The following BZW1 variants were observed in gnomAD, a reference collection of about 807,000 sequenced individuals.
The protein encoded by BZW1 is eIF5-mimic protein 2.
Under a neutral mutation model 54.1 loss-of-function variants are expected in BZW1, and 3 were observed. The observed-to-expected ratio is 0.06, with a 90% CI of 0.03 to 0.14. The LOEUF is 0.14. BZW1 is among the 10% of genes least tolerant of loss of function. The pLI, the probability that BZW1 is intolerant of heterozygous loss-of-function variation, is 1.00. For synonymous variants in BZW1, 152 were observed against 162.7 expected (o/e 0.93, Z 0.50); for missense variants, 206 against 491.7 (o/e 0.42, Z 5.50).
At chr2:200,819,863 T>C in intron 9 of BZW1, 119 bp from the exon 10 acceptor site, 1 of 952,640 alleles carries the variant, frequency 1.0e-6, no homozygotes, top group South Asian at 3.6e-5. Flanking sequence ...GTAAATAAGT[T>C]ATAGTTTGCA....
At chr2:200,818,715 C>G (rs1378660358) in intron 8 of BZW1, 40 bp from the exon 9 acceptor site, 2 of 1,562,184 alleles carry the variant, frequency 1.3e-6, no homozygotes, top group East Asian at 2.3e-5. Flanking sequence ...TGTACATAAT[C>G]AAAACTGACT....
At chr2:200,821,357 C>T (rs375630241) in intron 11 of BZW1, 52 bp downstream of exon 11, 1 of 1,599,064 alleles carries the variant, frequency 6.3e-7, no homozygotes, top group Non-Finnish European at 8.5e-7. Flanking sequence ...TTTAATGTGG[C>T]CATAATATAT....
At chr2:200,813,458 G>GAGC (rs2038164476) in intron 2 of BZW1, 177 bp downstream of exon 2, 2 of 559,384 alleles carry the variant, frequency 3.6e-6, no homozygotes, top group Middle Eastern at 4.8e-4. Flanking sequence ...CTGCTTTACT[G>GAGC]CTCAAGCCTT....
chr2:200,814,363 C>A (rs1257074890), intron 2 of BZW1, among the ~76,000 whole-genome samples: 1 of 152,152 alleles, frequency 6.6e-6, no homozygotes, highest in African/African-American at 2.4e-5. Flanking sequence ...TACAACACTC[C>A]CTGTCTGGGA....
chr2:200,815,336 C>G lies in BZW1; in HGVS notation c.65-5C>G. 1.3e-6 allele frequency: 2 copies of G among 1,589,286 alleles called. No homozygotes were observed. Among genetic ancestry groups the G allele is most frequent in the Non-Finnish European group, 1.7e-6 (2 of 1,166,436 alleles). Reference sequence around the variant, plus strand: ...CTAAATGTTTTGGGTCCCTTGTCCCCCCAGATGAAAAAGAGAGGTTTGACC... The same window carrying G: ...CTAAATGTTTTGGGTCCCTTGTCCCGCCAGATGAAAAAGAGAGGTTTGACC... On this transcript the variant is annotated splice_polypyrimidine_tract_variant and splice_region_variant and intron_variant, in intron 2 of 11. Transcript: ENST00000409600.
Position 200,824,571 on chromosome 2 carries a change from G to A in BZW1, c.*2393G>A, listed in dbSNP as rs770011225. The A allele has an allele frequency of 9.3e-5, 14 of 150,656 alleles. No homozygotes were observed. The highest frequency in any genetic ancestry group is 1.6e-4 in the Non-Finnish European group (11 of 67,784). 9.3% of individuals were successfully genotyped at this position (150,656 alleles called of 1,614,324 possible). ...AAATGCTACAGGATATTTTGAAATA[G>A]CATATTTTAGTTAGGGGAAATGCAT... On this transcript the variant is annotated 3_prime_UTR_variant, in exon 12 of 12. Coordinates refer to ENST00000409600, the MANE Select transcript of BZW1 (RefSeq NM_001207067.2).
At position 200,823,776 on chromosome 2, in the gene BZW1, T is replaced by G. The variant is rs905855737; in HGVS notation, c.*1598T>G. 1 of 152,450 alleles carries G rather than the reference T, an allele frequency of 6.6e-6. No homozygotes were observed. Among genetic ancestry groups the G allele is most frequent in the African/African-American group, 2.4e-5 (1 of 41,404 alleles). The allele number at this position is 152,450 out of a possible 1,614,324, so 9.4% of individuals were successfully genotyped here. Reference sequence around the variant, plus strand: ...TTTCTACGTAGTGATCTGCTTTTACTTTGTAATTTGTAGTTCTCAAAAGAC... The same window carrying G: ...TTTCTACGTAGTGATCTGCTTTTACGTTGTAATTTGTAGTTCTCAAAAGAC... On this transcript the variant is annotated 3_prime_UTR_variant, in exon 12 of 12. Coordinates refer to ENST00000409600, the MANE Select transcript of BZW1 (RefSeq NM_001207067.2).
chr2:200,819,956 A>G (rs2038447561), intron 9 of BZW1, 26 bp from the exon 10 acceptor site: 6 of 1,472,966 alleles, frequency 4.1e-6, no homozygotes, highest in African/African-American at 1.4e-5. Context: ...ATGAATGACT[A>G]AATCTTTTCT....
At chr2:200,822,097 CT>C (rs1390465039) in intron 11 of BZW1, 49 bp from the exon 12 acceptor site, 3 of 1,524,938 alleles carry the variant, frequency 2.0e-6, no homozygotes, top group Non-Finnish European at 1.8e-6. Flanking sequence ...TAAATGGGAA[CT>C]TTTGCCTTCT....
chr2:200,820,177 A>AAATTATCCAAATGAT (rs1390836383), intron 10 of BZW1, 57 bp downstream of exon 10: 1 of 1,365,970 alleles, frequency 7.3e-7, no homozygotes, highest in Non-Finnish European at 9.8e-7. Flanking sequence ...TATAAACACA[A>AAATTATCCAAATGAT]AATTATCCAA....
At position 200,823,318 on chromosome 2, in the gene BZW1, T is replaced by C. The variant is rs2038591725; in HGVS notation, c.*1140T>C. The C allele has an allele frequency of 6.2e-6, 1 of 162,074 alleles. No individual in the cohort carries two copies. The highest frequency in any genetic ancestry group is 2.4e-5 in the African/African-American group (1 of 41,476). The allele number at this position is 162,074 out of a possible 1,614,324, so 10.0% of individuals were successfully genotyped here. On this transcript the variant is annotated 3_prime_UTR_variant, in exon 12 of 12. Transcript: ENST00000409600. ...ACATACCCTAGTTGCCGTTTTTTAA[T>C]TGCCATGAGCCAAATACTTCTTGGT...
Position 200,826,397 on chromosome 2 carries a change from ATAGATAGATATTTTT to A in BZW1, c.*4221_*4235del, listed in dbSNP as rs1559318329. On this transcript the variant is annotated 3_prime_UTR_variant, in exon 12 of 12. Transcript: ENST00000409600. ...TATAGATAGATAGATAGATAGATAG[ATAGATAGATATTTTT>A]TTTTTTTTTTTTTTTTTTTTTTTTT... The A allele has an allele frequency of 9.1e-4, 58 of 63,392 alleles. 3 individuals are homozygous for A. The highest frequency in any genetic ancestry group is 3.1e-3 in the African/African-American group (57 of 18,506). The allele number at this position is 63,392 out of a possible 1,614,324, so 3.9% of individuals were successfully genotyped here.
chr2:200,812,300 G>C (rs1330574713), intron 1 of BZW1: 2 of 1,247,690 alleles, frequency 1.6e-6, no homozygotes, highest in Non-Finnish European at 2.0e-6. Context: ...CGCGGCCTCT[G>C]TTGTGTGATG....
rs1049571711 is a variant in BZW1, at chr2:200,825,504, C to T, written c.*3326C>T. 1.3e-5 allele frequency: 2 copies of T among 152,078 alleles called. No individual in the cohort carries two copies. The highest frequency in any genetic ancestry group is 4.8e-5 in the African/African-American group (2 of 41,438). The allele number at this position is 152,078 out of a possible 1,614,324, so 9.4% of individuals were successfully genotyped here. On this transcript the variant is annotated 3_prime_UTR_variant, in exon 12 of 12. Transcript: ENST00000409600. ...TTTATACAGTGAAGTAGTATTTTTTCTGTCAGGGTCAATAGAAAGTAGACG... is the reference window on the plus strand; with the variant it reads ...TTTATACAGTGAAGTAGTATTTTTTTTGTCAGGGTCAATAGAAAGTAGACG...
At position 200,825,644 on chromosome 2, in the gene BZW1, T is replaced by C. The variant is rs1309884658; in HGVS notation, c.*3466T>C. ...AGGTCTTAACAGATTCTTTCTTGAT[T>C]ATAAATGTATTACTAAGTAGAATCA... On this transcript the variant is annotated 3_prime_UTR_variant, in exon 12 of 12. Transcript: ENST00000409600. The C allele has an allele frequency of 6.6e-6, 1 of 152,224 alleles. No homozygotes were observed. Among genetic ancestry groups the C allele is most frequent in the African/African-American group, 2.4e-5 (1 of 41,462 alleles). 9.4% of individuals were successfully genotyped at this position (152,224 alleles called of 1,614,324 possible).
Position 200,826,372 on chromosome 2 carries a change from T to TATAGCTAG in BZW1, c.*4198_*4199insCTAGATAG, listed in dbSNP as rs2038689032. On this transcript the variant is annotated 3_prime_UTR_variant, in exon 12 of 12. Coordinates refer to ENST00000409600, the MANE Select transcript of BZW1 (RefSeq NM_001207067.2). ...TCTTAATGAGTTGATGGGATGAAGA[T>TATAGCTAG]ATAGATAGATAGATAGATAGATAGA... 1.2e-5 allele frequency: 1 copy of TATAGCTAG among 85,516 alleles called. No individual in the cohort carries two copies. The highest frequency in any genetic ancestry group is 2.2e-5 in the Non-Finnish European group (1 of 46,270). 5.3% of individuals were successfully genotyped at this position (85,516 alleles called of 1,614,324 possible). A position where few individuals can be genotyped will look rare whatever the true frequency, so the allele number is the denominator to read the frequency against.
At chr2:200,821,351 A>G (rs1406307501) in intron 11 of BZW1, 46 bp downstream of exon 11, 7 of 1,606,152 alleles carry the variant, frequency 4.4e-6, no homozygotes, top group Non-Finnish European at 5.1e-6. Context: ...GCTAATTTTA[A>G]TGTGGCCATA....
At chr2:200,812,199 G>T in intron 1 of BZW1, 1 of 1,220,786 alleles carries the variant, frequency 8.2e-7, no homozygotes, top group South Asian at 4.2e-5. Context: ...TGGGGAGGTG[G>T]GGTCCGGGTG....
At chr2:200,819,156 C>CCG in intron 9 of BZW1, 2 of 411,668 alleles carry the variant, frequency 4.9e-6, no homozygotes, top group South Asian at 3.0e-5. Flanking sequence ...CTTTGGGAGG[C>CCG]AAGGGCAGGA....
Sources: gnomAD v4.1 joint callset for allele counts (sites outside exome capture counted in the v4.1 genomes callset) on GRCh38, gnomAD v4.1.1 for gene constraint, MANE v1.5 for transcripts, NCBI Gene and HGNC (gene_info 2026-07-23, HGNC 2026-07-21) for gene names.